STX12: variants seen among roughly 807,000 people sequenced by gnomAD.
STX12 encodes the protein syntaxin-12.
Under a neutral mutation model 42.2 loss-of-function variants are expected in STX12, and 17 were observed. The ratio of observed to expected loss-of-function variants is 0.40; its 90% CI spans 0.28 to 0.60. STX12 has a LOEUF of 0.60. STX12 is among the 20% of genes least tolerant of loss of function. The pLI is 0.39. For missense variants in STX12, 297 were observed against 330.9 expected (o/e 0.90, Z 0.79); for synonymous variants, 108 against 116.7 (o/e 0.93, Z 0.48).
intron 4 of STX12, among the ~76,000 whole-genome samples, chr1:27,802,899 A>G (rs752180154): frequency 2.0e-5 from 3 of 152,242 alleles, no homozygotes; most frequent in Non-Finnish European, 2.9e-5. Flanking sequence ...CCTCTGCAGG[A>G]AACTACACAA....
At position 27,801,960 on chromosome 1, in the gene STX12, C is replaced by T. The variant is rs537822595; in HGVS notation, c.426+145C>T. On this transcript the variant is annotated intron_variant, in intron 4 of 8. Transcript: ENST00000373943. The stretch of plus-strand genomic sequence containing the variant: ...AGGTTGGTGTAACCTATGTAAAAAA[C>T]ATATATGCATGTGATCAAAGCCTAG... The T allele has an allele frequency of 8.4e-4, 684 of 811,798 alleles. 7 individuals carry two copies. In the African/African-American group the frequency reaches 0.011, roughly 13 times the overall value. 50.3% of individuals were successfully genotyped at this position (811,798 alleles called of 1,614,324 possible).
At chr1:27,792,463 CTG>C (rs1167394304) in intron 2 of STX12, among the ~76,000 whole-genome samples, 1 of 151,130 alleles carries the variant, frequency 6.6e-6, no homozygotes, top group African/African-American at 2.4e-5. Context: ...TGAAATATCT[CTG>C]GATATTTTCT....
chr1:27,779,327 G>GTTTTTTTT (rs202084541), intron 1 of STX12, among the ~76,000 whole-genome samples: 1 of 144,200 alleles, frequency 6.9e-6, no homozygotes, highest in African/African-American at 2.8e-5. Flanking sequence ...GGTTTTTTTT[G>GTTTTTTTT]TTTTTGTTTT....
chr1:27,801,963 A>G (rs1425159288), intron 4 of STX12, 148 bp downstream of exon 4: 1 of 781,742 alleles, frequency 1.3e-6, no homozygotes, highest in Non-Finnish European at 1.9e-6. Context: ...TAAAAAACAT[A>G]TATGCATGTG....
intron 2 of STX12, among the ~76,000 whole-genome samples, chr1:27,789,844 C>G (rs1281971822): frequency 6.6e-6 from 1 of 152,168 alleles, no homozygotes; most frequent in Non-Finnish European, 1.5e-5. Context: ...AACTCTGGTT[C>G]TTTCTCCTCT....
At chr1:27,774,833 C>G (rs949881425) in intron 1 of STX12, among the ~76,000 whole-genome samples, 10 of 152,092 alleles carry the variant, frequency 6.6e-5, no homozygotes, top group Non-Finnish European at 1.0e-4. Flanking sequence ...TCTACCGTGC[C>G]AGGCTAATTT....
At chr1:27,777,016 C>T (rs1399455438) in intron 1 of STX12, among the ~76,000 whole-genome samples, 2 of 152,198 alleles carry the variant, frequency 1.3e-5, no homozygotes, top group Non-Finnish European at 1.5e-5. Flanking sequence ...GGAGCACCTG[C>T]TGTGTGCTGG....
At chr1:27,790,990 G>A (rs1381273036) in intron 2 of STX12, among the ~76,000 whole-genome samples, 1 of 151,838 alleles carries the variant, frequency 6.6e-6, no homozygotes, top group Non-Finnish European at 1.5e-5. Flanking sequence ...GCCGGGTGTG[G>A]TGGCTCACAC....
At chr1:27,774,332 C>G (rs1165718755) in intron 1 of STX12, among the ~76,000 whole-genome samples, 2 of 152,160 alleles carry the variant, frequency 1.3e-5, no homozygotes, top group Admixed American at 6.5e-5. Flanking sequence ...GCTTGAAAAT[C>G]ATCTTGGAGC....
rs759976912 is a variant in STX12 at position 27,793,563 on chromosome 1, C to T, written c.219C>T (p.Leu73=). The T allele has an allele frequency of 3.7e-6, 6 of 1,613,924 alleles. No homozygotes were observed. The highest frequency in any genetic ancestry group is 1.1e-5 in the South Asian group (1 of 91,076). The change falls in exon 3 of 9, where the codon CTC becomes CTT. Residue 73 remains leucine, a synonymous_variant. Transcript: ENST00000373943. ...LQQLQHSTNQ[L]AKETNELLKE... The stretch of plus-strand genomic sequence containing the variant: ...AGTTACAACACTCCACAAATCAGCT[C>T]GCCAAGGAAACAAATGAATTGCTGA...
intron 1 of STX12, among the ~76,000 whole-genome samples, chr1:27,786,752 G>A (rs1317886870): frequency 6.6e-6 from 1 of 152,172 alleles, no homozygotes; most frequent in Non-Finnish European, 1.5e-5. Context: ...GATTGTTGGA[G>A]TCAAATAAGT....
intron 4 of STX12, among the ~76,000 whole-genome samples, chr1:27,806,413 A>T (rs1241319026): frequency 6.6e-6 from 1 of 152,252 alleles, no homozygotes; most frequent in East Asian, 1.9e-4. Context: ...AAAAGTGGCT[A>T]GTTCAGCCTG....
intron 1 of STX12, among the ~76,000 whole-genome samples, chr1:27,785,058 T>C (rs146639194): frequency 6.6e-6 from 1 of 152,310 alleles, no homozygotes; most frequent in African/African-American, 2.4e-5. Flanking sequence ...AAAATTCCCA[T>C]AGCTCTGTAG....
intron 6 of STX12, 91 bp from the exon 7 acceptor site, chr1:27,817,759 AC>A: frequency 9.4e-7 from 1 of 1,061,866 alleles, no homozygotes. Flanking sequence ...TTAAAAACAC[AC>A]GTGTTAATAG....
chr1:27,812,336 TTTAA>T (rs1407827676), intron 6 of STX12, 68 bp downstream of exon 6: 1 of 1,122,552 alleles, frequency 8.9e-7, no homozygotes, highest in Non-Finnish European at 1.3e-6. Flanking sequence ...CTTAGTTCAC[TTTAA>T]TTCTCTTAGT....
intron 1 of STX12, among the ~76,000 whole-genome samples, chr1:27,789,304 A>G (rs2088721840): frequency 6.6e-6 from 1 of 152,212 alleles, no homozygotes; most frequent in Non-Finnish European, 1.5e-5. Flanking sequence ...AGATCTAGGA[A>G]AACTAGCAAA....
chr1:27,805,892 T>C (rs1425743497), intron 4 of STX12, among the ~76,000 whole-genome samples: 1 of 152,222 alleles, frequency 6.6e-6, no homozygotes, highest in East Asian at 1.9e-4. Context: ...AAAAGTTAGT[T>C]GCATTGTACA....
chr1:27,809,424 G>A (rs181265689), intron 4 of STX12, among the ~76,000 whole-genome samples: 53 of 149,318 alleles, frequency 3.5e-4, no homozygotes, highest in Middle Eastern at 7.0e-3. Context: ...ATTGATAATA[G>A]ATTGATTAGC....
chr1:27,785,553 T>A (rs1450029975), intron 1 of STX12, among the ~76,000 whole-genome samples: 2 of 152,184 alleles, frequency 1.3e-5, no homozygotes, highest in African/African-American at 4.8e-5. Context: ...ATAAAAACCT[T>A]ACACAAATAG....
Sources: gnomAD v4.1 joint callset for allele counts (sites outside exome capture counted in the v4.1 genomes callset) on GRCh38, gnomAD v4.1.1 for gene constraint, MANE v1.5 for transcripts, NCBI Gene and HGNC (gene_info 2026-07-23, HGNC 2026-07-21) for gene names.